The following HPSE2 variants were observed in gnomAD, a reference collection of about 807,000 sequenced individuals.
The protein encoded by HPSE2 is heparanase 2 (inactive).
In HPSE2, 38 loss-of-function variants were observed where a neutral mutation model predicts 60.5. That is an observed-to-expected ratio of 0.63 (90% confidence interval 0.48 to 0.82). The LOEUF (loss-of-function observed/expected upper bound fraction) is 0.82. Ranked by LOEUF, HPSE2 falls within the 40% of genes least tolerant of loss-of-function variation. The probability of loss-of-function intolerance (pLI) is 0.00; values close to 1 mark genes in which losing one functional copy is unlikely to be tolerated. For missense variants in HPSE2, 713 were observed against 740.4 expected (o/e 0.96, Z 0.43); for synonymous variants, 295 against 293.2 (o/e 1.01, Z -0.06).
At chr10:99,130,228 A>C (rs1164763749) in intron 3 of HPSE2, among the ~76,000 whole-genome samples, 3 of 152,192 alleles carry the variant, frequency 2.0e-5, no homozygotes, top group African/African-American at 7.2e-5. Flanking sequence ...AATCCTACTG[A>C]CACTATTCCA....
At chr10:99,229,037 T>C (rs934549685) in intron 2 of HPSE2, among the ~76,000 whole-genome samples, 13 of 151,936 alleles carry the variant, frequency 8.6e-5, no homozygotes, top group African/African-American at 2.4e-4. Flanking sequence ...TAGCGAGGCA[T>C]GGTGACGCAC....
At chr10:98,958,436 C>T (rs965224932) in intron 3 of HPSE2, among the ~76,000 whole-genome samples, 2 of 151,950 alleles carry the variant, frequency 1.3e-5, no homozygotes, top group Admixed American at 1.3e-4. Context: ...AAAAGTTGAA[C>T]TTTGATTAAA....
Position 99,184,522 on chromosome 10 carries a change from C to CCAAAAAAAA in HPSE2, c.449-40124_449-40123insTTTTTTTTG, listed in dbSNP as rs1847899081. 1.5e-4 allele frequency among the ~76,000 whole-genome samples: 9 copies of CCAAAAAAAA among 60,788 alleles called. 1 individual carries two copies. Among genetic ancestry groups the CCAAAAAAAA allele is most frequent in the African/African-American group, 1.1e-3 (9 of 8,248 alleles). The allele number at this position is 60,788 out of a possible 152,430, so 39.9% of individuals were successfully genotyped here. A position where few individuals can be genotyped will look rare whatever the true frequency, so the allele number is the denominator to read the frequency against. The stretch of plus-strand genomic sequence containing the variant: ...CCTGGGCAACAGAGCGAGACTGTCT[C>CCAAAAAAAA]AAAAAAAAAAAAAAAAAAAAAAAAA... On this transcript the variant is annotated intron_variant, in intron 2 of 11. Transcript: ENST00000370552.
At chr10:99,159,509 G>T (rs919804281) in intron 2 of HPSE2, among the ~76,000 whole-genome samples, 7 of 152,122 alleles carry the variant, frequency 4.6e-5, no homozygotes, top group African/African-American at 1.4e-4. Flanking sequence ...AGAAATGATT[G>T]TATGTAAAAC....
intron 5 of HPSE2, among the ~76,000 whole-genome samples, chr10:98,699,708 G>C (rs1011796382): frequency 1.5e-5 from 2 of 130,588 alleles, no homozygotes; most frequent in African/African-American, 5.3e-5. Flanking sequence ...AATTGTCCCT[G>C]TTTGCAGATG....
Position 98,938,797 on chromosome 10 carries a change from G to C in HPSE2, c.611-194741C>G, listed in dbSNP as rs553076078. ...ACACATCATTGTCAGATTCACCAAA[G>C]TTGAAATGAAGGAAAAAATGTTAAG... On this transcript the variant is annotated intron_variant, in intron 3 of 11. Coordinates refer to ENST00000370552, the MANE Select transcript of HPSE2 (RefSeq NM_021828.5). Among the ~76,000 whole-genome samples, 674 of 143,758 alleles carry C rather than the reference G, an allele frequency of 4.7e-3. 64 individuals carry two copies. The highest frequency in any genetic ancestry group is 7.5e-3 in the Non-Finnish European group (504 of 67,152). 94.3% of individuals were successfully genotyped at this position (143,758 alleles called of 152,430 possible).
intron 2 of HPSE2, among the ~76,000 whole-genome samples, chr10:99,205,176 C>T (rs1848703928): frequency 6.6e-6 from 1 of 152,098 alleles, no homozygotes; most frequent in South Asian, 2.1e-4. Context: ...TTCTAGAAGC[C>T]CAGTCCCTAC....
the HPSE2 span, among the ~76,000 whole-genome samples, chr10:99,276,053 T>C: frequency 6.6e-6 from 1 of 152,222 alleles, no homozygotes; most frequent in African/African-American, 2.4e-5. Context: ...AATGGTAGTA[T>C]ATATACCCAA....
At chr10:98,613,790 T>C (rs1469297943) in intron 9 of HPSE2, among the ~76,000 whole-genome samples, 1 of 152,210 alleles carries the variant, frequency 6.6e-6, no homozygotes, top group African/African-American at 2.4e-5. Flanking sequence ...TGAGGTGGAA[T>C]TGGATCATCT....
chr10:99,009,422 A>AAAAC (rs530057453), intron 3 of HPSE2, among the ~76,000 whole-genome samples: 150 of 152,148 alleles, frequency 9.9e-4, no homozygotes, highest in African/African-American at 3.5e-3. Context: ...CCAGTCTCAA[A>AAAAC]AAACAAACAA....
chr10:99,166,188 T>C (rs943734729), intron 2 of HPSE2, among the ~76,000 whole-genome samples: 3 of 150,704 alleles, frequency 2.0e-5, no homozygotes, highest in African/African-American at 7.3e-5. Flanking sequence ...TGTACTATAG[T>C]TTGTTTAACC....
At chr10:98,511,555 GGTGTGTGTGTGTGTGTGT>G (rs6144045) in intron 9 of HPSE2, among the ~76,000 whole-genome samples, 254 of 140,804 alleles carry the variant, frequency 1.8e-3, no homozygotes, top group African/African-American at 5.6e-3. Flanking sequence ...ACATAACTAT[GGTGTGTGTGTGTGTGTGT>G]GTGTGTGTGT....
intron 5 of HPSE2, among the ~76,000 whole-genome samples, chr10:98,699,491 T>G (rs1305165384): frequency 9.6e-4 from 97 of 101,266 alleles, no homozygotes; most frequent in African/African-American, 2.7e-3. Flanking sequence ...GGGACATATC[T>G]CAAAATAATA....
At chr10:98,587,575 A>G (rs1404250749) in intron 9 of HPSE2, among the ~76,000 whole-genome samples, 2 of 152,148 alleles carry the variant, frequency 1.3e-5, no homozygotes, top group Non-Finnish European at 2.9e-5. Context: ...ACTCCTCTTA[A>G]TAAAAAATTC....
At chr10:98,924,660 C>A (rs1181647823) in intron 3 of HPSE2, 2 of 152,246 alleles carry the variant, frequency 1.3e-5, no homozygotes, top group Non-Finnish European at 2.9e-5. Flanking sequence ...CTACAAGCTG[C>A]AATCCTGGGT....
chr10:99,069,387 G>A (rs1344614413), intron 3 of HPSE2, among the ~76,000 whole-genome samples: 1 of 151,940 alleles, frequency 6.6e-6, no homozygotes, highest in Non-Finnish European at 1.5e-5. Flanking sequence ...GTGCAATGCT[G>A]GAATCAAATC....
chr10:98,795,481 C>T (rs1481975562), intron 3 of HPSE2, among the ~76,000 whole-genome samples: 4 of 152,206 alleles, frequency 2.6e-5, no homozygotes. Context: ...GCATTTGGAC[C>T]AGACTAGCCA....
chr10:99,253,659 A>G, the HPSE2 span, among the ~76,000 whole-genome samples: 1 of 152,222 alleles, frequency 6.6e-6, no homozygotes, highest in Non-Finnish European at 1.5e-5. Flanking sequence ...CTATCAACAG[A>G]GTAAACAGAT....
At chr10:98,553,791 GT>G (rs1943927631) in intron 9 of HPSE2, among the ~76,000 whole-genome samples, 1 of 152,138 alleles carries the variant, frequency 6.6e-6, no homozygotes, top group African/African-American at 2.4e-5. Flanking sequence ...TTGCTATTTT[GT>G]TTCTCTCTTT....
Sources: gnomAD v4.1 joint callset for allele counts (sites outside exome capture counted in the v4.1 genomes callset) on GRCh38, gnomAD v4.1.1 for gene constraint, MANE v1.5 for transcripts, NCBI Gene and HGNC (gene_info 2026-07-23, HGNC 2026-07-21) for gene names.